SCRG1: variants seen among roughly 807,000 people sequenced by gnomAD.
The protein encoded by SCRG1 is stimulator of chondrogenesis 1.
Under a neutral mutation model 7.7 loss-of-function variants are expected in SCRG1, and 3 were observed. The observed-to-expected ratio is 0.39, with a 90% CI of 0.18 to 1.01. The LOEUF (loss-of-function observed/expected upper bound fraction) is 1.01, where lower values mean the gene tolerates loss of function less well. SCRG1 is among the 50% of genes least tolerant of loss of function. The pLI is 0.36. For missense variants in SCRG1, 110 were observed against 117.2 expected (o/e 0.94, Z 0.28); for synonymous variants, 46 against 41.2 (o/e 1.12, Z -0.44).
At chr4:173,426,768 A>G in the SCRG1 span, among the ~76,000 whole-genome samples, 3 of 152,192 alleles carry the variant, frequency 2.0e-5, no homozygotes, top group African/African-American at 4.8e-5. Context: ...CTTACCTGGC[A>G]TCAAGAATTA....
the SCRG1 span, among the ~76,000 whole-genome samples, chr4:173,418,986 G>T: frequency 6.6e-6 from 1 of 152,094 alleles, no homozygotes; most frequent in Admixed American, 6.6e-5. Flanking sequence ...CCCAGTCCTA[G>T]GTAGTTCCTT....
chr4:173,484,758 A>G, the SCRG1 span, among the ~76,000 whole-genome samples: 163 of 92,942 alleles, frequency 1.8e-3, 1 homozygote, highest in Middle Eastern at 0.013. Context: ...TTATATACAT[A>G]TAATACATAT....
At chr4:173,413,020 T>C in the SCRG1 span, among the ~76,000 whole-genome samples, 5 of 151,988 alleles carry the variant, frequency 3.3e-5, no homozygotes, top group Admixed American at 6.5e-5. Flanking sequence ...ATATACAGCT[T>C]AGACTGTTGC....
the SCRG1 span, among the ~76,000 whole-genome samples, chr4:173,414,906 T>C: frequency 5.3e-5 from 8 of 152,234 alleles, no homozygotes; most frequent in Admixed American, 5.2e-4. Flanking sequence ...TTGCTTGCTA[T>C]AGGACACTTG....
the SCRG1 span, among the ~76,000 whole-genome samples, chr4:173,454,076 TAA>T: frequency 2.3e-4 from 30 of 131,334 alleles, no homozygotes; most frequent in African/African-American, 5.8e-4. Flanking sequence ...AGACTCCGTC[TAA>T]AAAAAAAAAA....
At chr4:173,461,237 C>G in the SCRG1 span, among the ~76,000 whole-genome samples, 1 of 152,200 alleles carries the variant, frequency 6.6e-6, no homozygotes, top group Non-Finnish European at 1.5e-5. Context: ...AGACAGTAGT[C>G]ATGGAGTGGT....
the SCRG1 span, among the ~76,000 whole-genome samples, chr4:173,417,234 GA>G: frequency 6.6e-6 from 1 of 152,096 alleles, no homozygotes; most frequent in Admixed American, 6.6e-5. Flanking sequence ...AGCACCTCTG[GA>G]GAAAAAACAA....
the SCRG1 span, among the ~76,000 whole-genome samples, chr4:173,470,865 G>A: frequency 6.6e-6 from 1 of 152,134 alleles, no homozygotes; most frequent in African/African-American, 2.4e-5. Context: ...AAATTCCTCT[G>A]TGAGCAACAG....
the SCRG1 span, chr4:173,470,007 T>A: frequency 6.6e-6 from 1 of 151,930 alleles, no homozygotes; most frequent in Non-Finnish European, 1.5e-5. Flanking sequence ...AGGCAGAGCA[T>A]CTCTAGCCCA....
chr4:173,511,887 A>G, the SCRG1 span, among the ~76,000 whole-genome samples: 1 of 152,238 alleles, frequency 6.6e-6, no homozygotes, highest in Admixed American at 6.5e-5. The surrounding 1 kb of genome is among the most constrained non-coding windows in gnomAD (Gnocchi z 5.2). Context: ...CCAGACGAGC[A>G]TTCTTTGTGG....
At chr4:173,446,403 G>A in the SCRG1 span, among the ~76,000 whole-genome samples, 2 of 150,382 alleles carry the variant, frequency 1.3e-5, no homozygotes, top group South Asian at 2.1e-4. Flanking sequence ...ATGCACTCAC[G>A]GGGGGAAAAG....
the SCRG1 span, among the ~76,000 whole-genome samples, chr4:173,458,072 C>T: frequency 1.3e-5 from 2 of 152,138 alleles, no homozygotes; most frequent in Non-Finnish European, 2.9e-5. Context: ...CTGAGTTCCC[C>T]TGAAAGGAGG....
chr4:173,492,788 T>C, the SCRG1 span, among the ~76,000 whole-genome samples: 1 of 152,140 alleles, frequency 6.6e-6, no homozygotes, highest in Non-Finnish European at 1.5e-5. Context: ...TGTACTGCCT[T>C]TCAAATCCTA....
At chr4:173,474,546 G>T in the SCRG1 span, among the ~76,000 whole-genome samples, 2 of 152,212 alleles carry the variant, frequency 1.3e-5, no homozygotes, top group South Asian at 4.1e-4. Flanking sequence ...GTGAGTTTTT[G>T]TGATTATTTA....
chr4:173,443,943 T>TG, the SCRG1 span, among the ~76,000 whole-genome samples: 1 of 138,696 alleles, frequency 7.2e-6, no homozygotes, highest in African/African-American at 2.7e-5. Context: ...AGAGCTTGTT[T>TG]TGTGTGTGTG....
At chr4:173,459,976 A>G in the SCRG1 span, among the ~76,000 whole-genome samples, 3 of 152,236 alleles carry the variant, frequency 2.0e-5, no homozygotes, top group African/African-American at 7.2e-5. Context: ...CATTATATTC[A>G]TGTATCAAAA....
chr4:173,494,448 A>G, the SCRG1 span, among the ~76,000 whole-genome samples: 1 of 152,208 alleles, frequency 6.6e-6, no homozygotes, highest in Non-Finnish European at 1.5e-5. Context: ...ATGTTTCCAA[A>G]GAGCGGAGGA....
chr4:173,508,336 A>G, the SCRG1 span, among the ~76,000 whole-genome samples: 1 of 152,150 alleles, frequency 6.6e-6, no homozygotes, highest in South Asian at 2.1e-4. The surrounding 1 kb of genome is among the most constrained non-coding windows in gnomAD (Gnocchi z 4.4). Context: ...GTGGAGGTGG[A>G]GGTGAAATGC....
chr4:173,404,562 T>A lies in SCRG1; in HGVS notation c.-747-130A>T, dbSNP rs755138711. ...TTAAATGAATGAATGAGTTAATGAA[T>A]AAATGAGTGAGGGGATTAGATTCTT... On this transcript the variant is annotated intron_variant and NMD_transcript_variant, in intron 1 of 8. Transcript: ENST00000512188. 3.3e-4 allele frequency: 51 copies of A among 152,338 alleles called. 1 individual carries two copies. The highest frequency in any genetic ancestry group is 8.7e-4 in the African/African-American group (36 of 41,572). 9.4% of individuals were successfully genotyped at this position (152,338 alleles called of 1,614,324 possible).
Sources: allele counts gnomAD v4.1 joint callset (sites outside exome capture counted in the v4.1 genomes callset), GRCh38; gene constraint gnomAD v4.1.1; non-coding constraint Gnocchi (gnomAD v3.1); transcripts MANE v1.5; gene names NCBI Gene and HGNC (gene_info 2026-07-23, HGNC 2026-07-21).